GRAMD1B: variants seen among roughly 807,000 people sequenced by gnomAD.
GRAMD1B encodes GRAM domain containing 1B.
A neutral mutation model predicts 99.7 loss-of-function variants in GRAMD1B; 37 were observed. The ratio of observed to expected loss-of-function variants is 0.37; its 90% CI spans 0.29 to 0.49. The LOEUF is 0.49. Ranked by LOEUF, GRAMD1B falls within the 20% of genes least tolerant of loss-of-function variation. The pLI, the probability that GRAMD1B is intolerant of heterozygous loss-of-function variation, is 0.98. For missense variants in GRAMD1B, 888 were observed against 1,009.2 expected (o/e 0.88, Z 1.63); for synonymous variants, 427 against 387.6 (o/e 1.10, Z -1.19).
intron 2 of GRAMD1B, among the ~76,000 whole-genome samples, chr11:123,538,766 C>T (rs1350775487): frequency 3.3e-5 from 5 of 151,814 alleles, no homozygotes; most frequent in South Asian, 2.1e-4. Flanking sequence ...ACTACAGGCA[C>T]GCATCACCAC....
intron 1 of GRAMD1B, among the ~76,000 whole-genome samples, chr11:123,423,603 ATTG>A (rs1948536912): frequency 6.6e-6 from 1 of 152,200 alleles, no homozygotes; most frequent in African/African-American, 2.4e-5. Context: ...CTCTACTGAA[ATTG>A]TTGTCTCAGA....
intron 4 of GRAMD1B, among the ~76,000 whole-genome samples, chr11:123,588,612 C>T (rs1950301705): frequency 2.6e-5 from 4 of 152,136 alleles, no homozygotes; most frequent in African/African-American, 4.8e-5. Context: ...GGACTTGCTA[C>T]GTTTGCCTGC....
intron 1 of GRAMD1B, among the ~76,000 whole-genome samples, chr11:123,478,263 C>A (rs1027083528): frequency 6.6e-6 from 1 of 152,136 alleles, no homozygotes; most frequent in African/African-American, 2.4e-5. Context: ...CCTCCGGTCT[C>A]AGCCTCCCAA....
chr11:123,577,621 G>T, intron 3 of GRAMD1B, 44 bp downstream of exon 3: 1 of 1,436,834 alleles, frequency 7.0e-7, no homozygotes, highest in Non-Finnish European at 9.6e-7. Flanking sequence ...GTCAGGGGCT[G>T]CGGGGAGCGA....
At chr11:123,516,017 C>T (rs1941638090) in intron 2 of GRAMD1B, among the ~76,000 whole-genome samples, 1 of 152,218 alleles carries the variant, frequency 6.6e-6, no homozygotes, top group Non-Finnish European at 1.5e-5. Flanking sequence ...GATCTGCCCA[C>T]CTCGGCCTCC....
rs1015740435 is a variant in GRAMD1B, at chr11:123,430,436, A to C, written c.-357A>C. 2 of 265,878 alleles carry C rather than the reference A, an allele frequency of 7.5e-6. No homozygotes were observed. The highest frequency in any genetic ancestry group is 1.4e-5 in the Non-Finnish European group (2 of 141,806). The allele number at this position is 265,878 out of a possible 1,614,324, so 16.5% of individuals were successfully genotyped here. The stretch of plus-strand genomic sequence containing the variant: ...GGCCCCTGGCTGCCGAGTCCCGCTA[A>C]GGCAAAGACGCCAGCAAGCGAGGAA... On this transcript the variant is annotated 5_prime_UTR_variant, in exon 1 of 20. Transcript: ENST00000635736.
chr11:123,478,250 G>C lies in GRAMD1B; in HGVS notation c.375-2566G>C, dbSNP rs115121749. Among the ~76,000 whole-genome samples the C allele has an allele frequency of 8.8e-3, 1,342 of 152,030 alleles. 20 individuals carry two copies. Among genetic ancestry groups the C allele is most frequent in the African/African-American group, 0.031 (1,275 of 41,452 alleles). ...TGATCAGGAACTCCTGGGTTTGAGC[G>C]ATCCTCCGGTCTCAGCCTCCCAAAG... On this transcript the variant is annotated intron_variant, in intron 1 of 19. Transcript: ENST00000635736.
At chr11:123,613,319 A>G in intron 15 of GRAMD1B, 136 bp from the exon 16 acceptor site, 1 of 651,826 alleles carries the variant, frequency 1.5e-6, no homozygotes, top group Middle Eastern at 4.2e-4. Flanking sequence ...GTACCTCCTG[A>G]GGCTCATGGG....
At chr11:123,559,609 T>G (rs1946489438) in intron 2 of GRAMD1B, 1 of 940,274 alleles carries the variant, frequency 1.1e-6, no homozygotes, top group South Asian at 4.9e-5. Flanking sequence ...TGCATTTCGG[T>G]GAATGGACAG....
chr11:123,443,198 C>T (rs945227252), intron 1 of GRAMD1B, among the ~76,000 whole-genome samples: 1 of 152,060 alleles, frequency 6.6e-6, no homozygotes, highest in African/African-American at 2.4e-5. Context: ...CAGAGCTGCT[C>T]ACAGAATTCA....
intron 1 of GRAMD1B, among the ~76,000 whole-genome samples, chr11:123,464,391 C>T (rs1047922013): frequency 3.9e-5 from 6 of 152,146 alleles, no homozygotes; most frequent in African/African-American, 1.4e-4. Flanking sequence ...TTGTAGACGC[C>T]GATTGTGCAT....
At chr11:123,464,243 G>A (rs1950563979) in intron 1 of GRAMD1B, among the ~76,000 whole-genome samples, 1 of 152,072 alleles carries the variant, frequency 6.6e-6, no homozygotes, top group South Asian at 2.1e-4. Context: ...GTTGAAGACT[G>A]CAGTGAGCCA....
At chr11:123,609,741 G>T in intron 12 of GRAMD1B, 54 bp from the exon 13 acceptor site, 1 of 1,039,196 alleles carries the variant, frequency 9.6e-7, no homozygotes, top group African/African-American at 1.6e-5. Context: ...AACTTGGATT[G>T]GGGAGAGGGC....
intron 2 of GRAMD1B, among the ~76,000 whole-genome samples, chr11:123,515,480 T>G (rs990059185): frequency 2.6e-5 from 4 of 152,166 alleles, no homozygotes; most frequent in Admixed American, 6.5e-5. Context: ...CTGCAAATAT[T>G]CCAAAATCCA....
chr11:123,603,421 T>C lies in GRAMD1B; in HGVS notation c.1051-5T>C. The C allele has an allele frequency of 6.4e-7, 1 of 1,571,928 alleles. No homozygotes were observed. Among genetic ancestry groups the C allele is most frequent in the Non-Finnish European group, 8.8e-7 (1 of 1,141,544 alleles). On this transcript the variant is annotated splice_region_variant and splice_polypyrimidine_tract_variant and intron_variant, in intron 8 of 19. Coordinates refer to ENST00000635736, the MANE Select transcript of GRAMD1B (RefSeq NM_001387025.1). ...AGGCTCAGTCGTTCCTTTTCTCCCCTGAAGCCTCTGTGTCCCAAGGAGCTC... is the reference window on the plus strand; with the variant it reads ...AGGCTCAGTCGTTCCTTTTCTCCCCCGAAGCCTCTGTGTCCCAAGGAGCTC...
chr11:123,504,097 C>T (rs555770345), intron 2 of GRAMD1B, among the ~76,000 whole-genome samples: 5 of 152,312 alleles, frequency 3.3e-5, no homozygotes, highest in South Asian at 2.1e-4. Flanking sequence ...TAATGTCACT[C>T]ATGTTTCTGT....
intron 2 of GRAMD1B, among the ~76,000 whole-genome samples, chr11:123,571,083 G>T (rs1397370297): frequency 6.6e-6 from 1 of 152,198 alleles, no homozygotes; most frequent in Non-Finnish European, 1.5e-5. Flanking sequence ...AGGCACCGGG[G>T]GCCAGAGAGA....
rs1345640111 is a variant in GRAMD1B at position 123,365,046 on chromosome 11, C to T, written c.-176+6247C>T. ...GTATCATGACTTATTGCTTACAGCG[C>T]TATTCTGTTGTTTTATTTAATTGTC... is the stretch of plus-strand genomic sequence containing the variant. On this transcript the variant is annotated intron_variant, in intron 1 of 20. Coordinates refer to the GRAMD1B transcript ENST00000638157. Among the ~76,000 whole-genome samples, 4 of 152,154 alleles carry T rather than the reference C, an allele frequency of 2.6e-5. No homozygotes were observed. The East Asian group carries it at 7.7e-4, about 29-fold the overall frequency.
At chr11:123,595,570 A>G (rs1951177942) in intron 6 of GRAMD1B, among the ~76,000 whole-genome samples, 1 of 152,158 alleles carries the variant, frequency 6.6e-6, no homozygotes, top group Non-Finnish European at 1.5e-5. Flanking sequence ...CTGTGATTAC[A>G]GATGTGAGCC....
Sources: gnomAD v4.1 joint callset for allele counts (sites outside exome capture counted in the v4.1 genomes callset) on GRCh38, gnomAD v4.1.1 for gene constraint, MANE v1.5 for transcripts, NCBI Gene and HGNC (gene_info 2026-07-23, HGNC 2026-07-21) for gene names.